Variants in EIF4A2 observed in about 807,000 individuals in gnomAD.
The protein encoded by EIF4A2 is eukaryotic initiation factor 4A-II.
Under a neutral mutation model 50.6 loss-of-function variants are expected in EIF4A2, and 9 were observed. The ratio of observed to expected loss-of-function variants is 0.18; its 90% CI spans 0.11 to 0.31. The LOEUF is 0.31. EIF4A2 is among the 10% of genes least tolerant of loss of function. EIF4A2 has a pLI of 1.00. For synonymous variants in EIF4A2, 215 were observed against 164.4 expected (o/e 1.31, Z -2.35); for missense variants, 182 against 501.8 (o/e 0.36, Z 6.09).
In EIF4A2 at chr3:186,787,272, G is replaced by A. The variant is rs760002459; in HGVS notation, c.909+8G>A. ...TTCACAGTTTCTGCTCTGGTAAGAG[G>A]TGTTCTAAAATGTCTGGATTTCCAC... On this transcript the variant is annotated splice_region_variant and intron_variant, in intron 8 of 10. Coordinates refer to ENST00000323963, the MANE Select transcript of EIF4A2 (RefSeq NM_001967.4). 11 of 1,614,050 alleles carry A rather than the reference G, an allele frequency of 6.8e-6. No homozygotes were observed. The highest frequency in any genetic ancestry group is 9.3e-6 in the Non-Finnish European group (11 of 1,179,962).
rs909782373 is a variant in EIF4A2, at chr3:186,786,803, C to T, written c.771+158C>T. On this transcript the variant is annotated intron_variant, in intron 7 of 10. Coordinates refer to ENST00000323963, the MANE Select transcript of EIF4A2 (RefSeq NM_001967.4). Reference sequence around the variant, plus strand: ...CTAGATTGTAAAGACTGGGGTGGACCTCTTTCTTAATGTCCAATGTCCTTT... The same window carrying T: ...CTAGATTGTAAAGACTGGGGTGGACTTCTTTCTTAATGTCCAATGTCCTTT... 5 of 1,048,176 alleles carry T rather than the reference C, an allele frequency of 4.8e-6. No homozygotes were observed. In the Admixed American group the frequency reaches 8.4e-5, roughly 18 times the overall value. 64.9% of individuals were successfully genotyped at this position (1,048,176 alleles called of 1,614,324 possible). A position where few individuals can be genotyped will look rare whatever the true frequency, so the allele number is the denominator to read the frequency against.
chr3:186,784,850 C>T (rs1050726749), intron 3 of EIF4A2, 112 bp from the exon 4 acceptor site: 2 of 1,599,528 alleles, frequency 1.3e-6, no homozygotes, highest in Non-Finnish European at 1.7e-6. Flanking sequence ...AGAGAATACT[C>T]ATTGCTGATC....
At chr3:186,789,077 T>TTTATACATTATGTGAGAAGTAACG in intron 10 of EIF4A2, 48 bp from the exon 11 acceptor site, 1 of 1,596,084 alleles carries the variant, frequency 6.3e-7, no homozygotes, top group African/African-American at 1.3e-5. Context: ...TGTTCAGTAG[T>TTTATACATTATGTGAGAAGTAACG]TTATACATTA....
At chr3:186,787,027 G>C in intron 7 of EIF4A2, 100 bp from the exon 8 acceptor site, 1 of 1,479,000 alleles carries the variant, frequency 6.8e-7, no homozygotes, top group Non-Finnish European at 9.2e-7. Context: ...CAAAGGGCTG[G>C]GATTACAGGC....
rs1380765124 is a variant in EIF4A2 at position 186,789,218 on chromosome 3, C to T, written c.1173C>T (p.Phe391=). The T allele has an allele frequency of 1.2e-6, 2 of 1,612,916 alleles. No homozygotes were observed. The highest frequency in any genetic ancestry group is 2.7e-5 in the African/African-American group (2 of 74,890). ...DKRILRDIET[F]YNTTVEEMPM... The stretch of plus-strand genomic sequence containing the variant: ...GGATTCTTCGTGACATTGAGACTTT[C>T]TACAATACTACAGTGGAGGAGATGC... Residue 391 remains phenylalanine, a synonymous_variant, in exon 11 of 11, where the codon TTC becomes TTT. Transcript: ENST00000323963.
At chr3:186,788,166 G>A in intron 10 of EIF4A2, 1 of 738,658 alleles carries the variant, frequency 1.4e-6, no homozygotes, top group Non-Finnish European at 2.0e-6. Context: ...TTTTCTTGGT[G>A]ATTTTTTCTA....
chr3:186,787,349 C>A (rs759800638), intron 8 of EIF4A2, 85 bp downstream of exon 8: 1 of 1,611,940 alleles, frequency 6.2e-7, no homozygotes, highest in Non-Finnish European at 8.5e-7. Flanking sequence ...GTTGTCGTTC[C>A]CCCTGCTTAA....
chr3:186,786,095 CAT>C (rs779784112), intron 5 of EIF4A2, 44 bp downstream of exon 5: 8 of 1,600,070 alleles, frequency 5.0e-6, no homozygotes. Context: ...AAACTGTTAA[CAT>C]AGTTGAAAAG....
In EIF4A2 at chr3:186,786,268, A is replaced by G; in HGVS notation, c.622A>G (p.Ile208Val). 6.2e-7 allele frequency: 1 copy of G among 1,613,014 alleles called. No homozygotes were observed. The highest frequency in any genetic ancestry group is 8.5e-7 in the Non-Finnish European group (1 of 1,179,472). Residue 208 changes from isoleucine (I) to valine (V), a missense_variant, in exon 6 of 11, where the codon ATT (isoleucine) becomes GTT (valine). This residue lies in a region of EIF4A2 where 113 missense variants were observed against 357.3 expected (regional missense o/e 0.32). Coordinates refer to ENST00000323963, the MANE Select transcript of EIF4A2 (RefSeq NM_001967.4). ...YEIFQKLNTS[I>V]QVVLLSATMP... is the part of the protein sequence containing the mutation. The stretch of plus-strand genomic sequence containing the variant: ...GATTTTCCAAAAACTAAACACAAGT[A>G]TTCAGGTAAGCATTACTTCACCCCC...
At chr3:186,788,255 A>G in intron 10 of EIF4A2, 2 of 1,278,406 alleles carry the variant, frequency 1.6e-6, no homozygotes, top group Non-Finnish European at 2.0e-6. Context: ...ATCCCTAAAT[A>G]AATTGAATTG....
intron 3 of EIF4A2, 131 bp from the exon 4 acceptor site, chr3:186,784,831 C>G: frequency 6.3e-7 from 1 of 1,599,056 alleles, no homozygotes; most frequent in African/African-American, 1.3e-5. Context: ...CGGGACTGAC[C>G]TGAAATGAAG....
chr3:186,786,064 T>G lies in EIF4A2; in HGVS notation c.517+13T>G. The G allele has an allele frequency of 6.2e-7, 1 of 1,601,850 alleles. No individual in the cohort carries two copies. The highest frequency in any genetic ancestry group is 1.1e-5 in the South Asian group (1 of 90,836). ...AGAAGATACCTTTGTAAGTATTGTC[T>G]TTAAGAGAGTATTTTTTTTAAAACT... On this transcript the variant is annotated intron_variant, in intron 5 of 10. Transcript: ENST00000323963.
At chr3:186,788,112 T>C (rs1721866251) in intron 10 of EIF4A2, 1 of 662,864 alleles carries the variant, frequency 1.5e-6, no homozygotes, top group Admixed American at 3.1e-5. Context: ...TTGTTGGTCT[T>C]ACCTTATGCT....
intron 1 of EIF4A2, 166 bp from the exon 2 acceptor site, chr3:186,784,266 C>T: frequency 4.9e-6 from 5 of 1,020,992 alleles, no homozygotes; most frequent in Non-Finnish European, 7.1e-6. Flanking sequence ...TCCGCAGGCC[C>T]CAACCTTTAG....
Position 186,784,312 on chromosome 3 carries a change from G to A in EIF4A2, c.30-120G>A. The A allele has an allele frequency of 1.5e-5, 21 of 1,428,938 alleles. No individual in the cohort carries two copies. The South Asian group carries it at 2.3e-4, about 15-fold the overall frequency. The allele number at this position is 1,428,938 out of a possible 1,614,324, so 88.5% of individuals were successfully genotyped here. ...CAGTGTGGATATTCGCCCTGAGGCT[G>A]CTGCTTTAGCTTGTGCAGGGGAGGC... On this transcript the variant is annotated intron_variant, in intron 1 of 10. Coordinates refer to ENST00000323963, the MANE Select transcript of EIF4A2 (RefSeq NM_001967.4).
intron 10 of EIF4A2, 98 bp downstream of exon 10, chr3:186,787,980 TAA>T: frequency 1.6e-6 from 2 of 1,275,586 alleles, no homozygotes; most frequent in Non-Finnish European, 2.2e-6. Flanking sequence ...ATAGATTCAG[TAA>T]AGTCAGTAGT....
At chr3:186,786,954 G>T (rs562687342) in intron 7 of EIF4A2, 173 bp from the exon 8 acceptor site, 9 of 1,049,466 alleles carry the variant, frequency 8.6e-6, no homozygotes, top group Non-Finnish European at 1.1e-5. Context: ...TTTGGGTAGA[G>T]ACAGTTTCAC....
chr3:186,785,683 GT>G, intron 4 of EIF4A2, 199 bp from the exon 5 acceptor site: 5 of 575,206 alleles, frequency 8.7e-6, no homozygotes, highest in Non-Finnish European at 1.5e-5. Flanking sequence ...AGCATCCCAA[GT>G]TTGACAAGGC....
intron 1 of EIF4A2, 67 bp downstream of exon 1, chr3:186,783,706 G>C: frequency 6.2e-7 from 1 of 1,612,308 alleles, no homozygotes; most frequent in Non-Finnish European, 8.5e-7. Flanking sequence ...GATGATAGTG[G>C]ATGGCACGGA....
Sources: allele counts gnomAD v4.1 joint callset, GRCh38; gene constraint gnomAD v4.1.1; regional missense constraint gnomAD v4.1.1; transcripts MANE v1.5; gene names NCBI Gene and HGNC (gene_info 2026-07-23, HGNC 2026-07-21).